ENAH: variants seen among roughly 807,000 people sequenced by gnomAD.
The protein encoded by ENAH is protein enabled homolog.
Under a neutral mutation model 78.7 loss-of-function variants are expected in ENAH, and 23 were observed. That is an observed-to-expected ratio of 0.29 (90% CI 0.21 to 0.41). The LOEUF (loss-of-function observed/expected upper bound fraction) is 0.41, where lower values mean the gene tolerates loss of function less well. ENAH is among the 10% of genes least tolerant of loss of function. ENAH has a pLI of 1.00. For missense variants in ENAH, 544 were observed against 691.0 expected, an observed-to-expected ratio of 0.79 and a Z score of 2.39; for synonymous variants, 226 against 241.0, an observed-to-expected ratio of 0.94 and a Z score of 0.58.
At chr1:225,557,649 C>T (rs575060096) in intron 2 of ENAH, among the ~76,000 whole-genome samples, 16 of 152,036 alleles carry the variant, frequency 1.1e-4, no homozygotes, top group African/African-American at 3.9e-4. Context: ...GGTGAAACCC[C>T]GTCTCTACTA....
chr1:225,618,073 C>T (rs1452026151), intron 1 of ENAH, among the ~76,000 whole-genome samples: 1 of 152,184 alleles, frequency 6.6e-6, no homozygotes, highest in African/African-American at 2.4e-5. Flanking sequence ...AACATTTATC[C>T]TTGAGGCAAA....
chr1:225,523,996 T>G (rs1039031713), intron 4 of ENAH, among the ~76,000 whole-genome samples: 5 of 152,226 alleles, frequency 3.3e-5, no homozygotes, highest in Non-Finnish European at 7.3e-5. Flanking sequence ...TAATTTTTCT[T>G]TTAAGCTAGG....
At chr1:225,542,769 C>A (rs950525644) in intron 3 of ENAH, among the ~76,000 whole-genome samples, 1 of 151,940 alleles carries the variant, frequency 6.6e-6, no homozygotes, top group Non-Finnish European at 1.5e-5. Flanking sequence ...GCCTGTAATC[C>A]CAACACTTTG....
At chr1:225,527,488 T>C (rs567300853) in intron 4 of ENAH, among the ~76,000 whole-genome samples, 5 of 152,350 alleles carry the variant, frequency 3.3e-5, no homozygotes, top group Admixed American at 3.3e-4. Flanking sequence ...TGAGAGAAAG[T>C]GAAAACCAGT....
chr1:225,615,141 T>C (rs1205041990), intron 1 of ENAH, among the ~76,000 whole-genome samples: 1 of 152,114 alleles, frequency 6.6e-6, no homozygotes, highest in Non-Finnish European at 1.5e-5. Context: ...GCAACCTCCC[T>C]GCCTGATTCT....
chr1:225,509,496 A>G (rs1537878), intron 10 of ENAH, among the ~76,000 whole-genome samples: 6,532 of 152,176 alleles, frequency 0.043, 227 homozygotes, highest in South Asian at 0.11. Context: ...CTTCTCTCTA[A>G]GGAGCTCGGG....
intron 6 of ENAH, 102 bp from the exon 7 acceptor site, chr1:225,515,002 CAT>C (rs2096406794): frequency 1.1e-6 from 1 of 940,778 alleles, no homozygotes; most frequent in Non-Finnish European, 1.7e-6. Context: ...TAAACTGACT[CAT>C]GTATTTACTT....
chr1:225,515,758 A>G (rs1348937875), intron 6 of ENAH, among the ~76,000 whole-genome samples: 1 of 152,188 alleles, frequency 6.6e-6, no homozygotes, highest in Non-Finnish European at 1.5e-5. Context: ...TTTCAGCTTG[A>G]GCAGTTACAC....
chr1:225,519,511 TCGCTCCAGCCTTTCC>T lies in ENAH; in HGVS notation c.474_488del (p.Leu161_Arg165del), dbSNP rs529646552. 162 of 1,612,202 alleles carry T rather than the reference TCGCTCCAGCCTTTCC, an allele frequency of 1.0e-4. 1 individual carries two copies. The East Asian group carries it at 3.4e-3, about 34-fold the overall frequency. On this transcript the variant is annotated inframe_deletion, in exon 5 of 14. Transcript: ENST00000366843. ...CCAACCTTTCTCTTTCCATTCTTTC[TCGCTCCAGCCTTTCC>T]CGCTCCAGCTCCTTTTGCCGTTGCT...
chr1:225,610,330 T>C (rs2096981631), intron 1 of ENAH, among the ~76,000 whole-genome samples: 1 of 152,086 alleles, frequency 6.6e-6, no homozygotes, highest in African/African-American at 2.4e-5. Context: ...GATAGAGAAG[T>C]TTACTAGAGC....
Position 225,514,690 on chromosome 1 carries a change from G to A in ENAH, c.1124C>T (p.Ser375Phe), listed in dbSNP as rs1465622028. 1 of 1,542,346 alleles carries A rather than the reference G, an allele frequency of 6.5e-7. No homozygotes were observed. Among genetic ancestry groups the A allele is most frequent in the Non-Finnish European group, 8.9e-7 (1 of 1,120,960 alleles). Reference sequence around the variant, plus strand: ...TGACATGGATGCCAAAAAGAATCCAGATGCAGGGAGGGGTGGGGCAGGAGG... The same window carrying A: ...TGACATGGATGCCAAAAAGAATCCAAATGCAGGGAGGGGTGGGGCAGGAGG... ...PPPPAPPLPA[S>F]GFFLASMSED... The change falls in exon 7 of 14, where the codon TCT becomes TTT. Residue 375 changes from serine (S) to phenylalanine (F), a missense_variant. By Grantham distance (155) the Ser-to-Phe change is radical (BLOSUM62 -2). Around this residue, in one of 4 missense-constraint regions of ENAH, gnomAD observed 366 missense variants for 396.1 expected, o/e 0.92. Coordinates refer to ENST00000366843, the MANE Select transcript of ENAH (RefSeq NM_018212.6).
intron 11 of ENAH, among the ~76,000 whole-genome samples, chr1:225,501,895 G>A (rs1157633031): frequency 2.6e-5 from 4 of 152,028 alleles, no homozygotes; most frequent in Non-Finnish European, 5.9e-5. Flanking sequence ...CAGTCATGGC[G>A]CCCTCTCCAA....
chr1:225,509,917 T>C (rs535888606), intron 10 of ENAH, among the ~76,000 whole-genome samples: 1 of 152,286 alleles, frequency 6.6e-6, no homozygotes, highest in East Asian at 1.9e-4. Flanking sequence ...CCAAACTAAA[T>C]ACTCTTCAAG....
intron 3 of ENAH, among the ~76,000 whole-genome samples, chr1:225,548,768 G>A (rs536397709): frequency 1.3e-5 from 2 of 151,948 alleles, no homozygotes; most frequent in African/African-American, 2.4e-5. Context: ...GAAGAAAGTA[G>A]AGCAGGCAGA....
chr1:225,489,129 C>G lies in ENAH; in HGVS notation c.*8646G>C, dbSNP rs984585447. Reference sequence around the variant, plus strand: ...TGAAAGAAGGGCTTCTTCACTTCATCGAGCTCTGGAAAGTCTGTTTACTTA... The same window carrying G: ...TGAAAGAAGGGCTTCTTCACTTCATGGAGCTCTGGAAAGTCTGTTTACTTA... On this transcript the variant is annotated 3_prime_UTR_variant, in exon 14 of 14. Coordinates refer to ENST00000366843, the MANE Select transcript of ENAH (RefSeq NM_018212.6). 6.6e-6 allele frequency: 1 copy of G among 152,066 alleles called. No individual in the cohort carries two copies. Among genetic ancestry groups the G allele is most frequent in the African/African-American group, 2.4e-5 (1 of 41,386 alleles). The allele number at this position is 152,066 out of a possible 1,614,324, so 9.4% of individuals were successfully genotyped here. A position where few individuals can be genotyped will look rare whatever the true frequency, so the allele number is the denominator to read the frequency against.
At position 225,585,825 on chromosome 1, in the gene ENAH, G is replaced by A. The variant is rs1039968074; in HGVS notation, c.6-18411C>T. On this transcript the variant is annotated intron_variant, in intron 1 of 13. Coordinates refer to ENST00000366843, the MANE Select transcript of ENAH (RefSeq NM_018212.6). ...TAAATAAATAAGAAAAAAATCATGA[G>A]ATGCAGCTAAAGCAGTGACGAATGG... is the stretch of plus-strand genomic sequence containing the variant. 3.9e-5 allele frequency among the ~76,000 whole-genome samples: 6 copies of A among 152,064 alleles called. No individual in the cohort carries two copies. In the South Asian group the frequency reaches 1.3e-3, roughly 32 times the overall value.
chr1:225,593,473 G>A (rs1049612523), intron 1 of ENAH, among the ~76,000 whole-genome samples: 5 of 147,440 alleles, frequency 3.4e-5, no homozygotes, highest in Admixed American at 2.7e-4. Flanking sequence ...TGTGACAAGA[G>A]GAAGACTGAA....
At chr1:225,650,328 G>T (rs1276456955) in intron 1 of ENAH, among the ~76,000 whole-genome samples, 1 of 152,132 alleles carries the variant, frequency 6.6e-6, no homozygotes, top group Non-Finnish European at 1.5e-5. Context: ...AAACATCAGC[G>T]TGGTTCCTCT....
chr1:225,652,236 A>C, intron 1 of ENAH: 1 of 751,652 alleles, frequency 1.3e-6, no homozygotes, highest in Non-Finnish European at 1.6e-6. Context: ...CAGACCTTTC[A>C]AACTTTTCTT....
Sources: gnomAD v4.1 joint callset for allele counts (sites outside exome capture counted in the v4.1 genomes callset) on GRCh38, gnomAD v4.1.1 for gene constraint, gnomAD v4.1.1 regional missense constraint, MANE v1.5 for transcripts, NCBI Gene and HGNC (gene_info 2026-07-23, HGNC 2026-07-21) for gene names.